The following ARHGAP10 variants were observed in gnomAD, a reference collection of about 807,000 sequenced individuals.
ARHGAP10 encodes the protein Rho GTPase activating protein 10.
A neutral mutation model predicts 108.6 loss-of-function variants in ARHGAP10; 87 were observed. The observed-to-expected ratio is 0.80, with a 90% CI of 0.67 to 0.96. The LOEUF (loss-of-function observed/expected upper bound fraction) is 0.96. Among genes scored for constraint, ARHGAP10 ranks in the 40% least tolerant of loss-of-function variants. ARHGAP10 has a pLI of 0.00. For synonymous variants in ARHGAP10, 347 were observed against 341.1 expected (o/e 1.02, Z -0.19); for missense variants, 939 against 954.5 (o/e 0.98, Z 0.21).
intron 13 of ARHGAP10, among the ~76,000 whole-genome samples, chr4:147,913,362 G>A (rs905709163): frequency 7.9e-5 from 12 of 152,170 alleles, no homozygotes; most frequent in Non-Finnish European, 1.8e-4. Flanking sequence ...GGTCAGTGTT[G>A]AAATGAGAAT....
At chr4:147,889,456 C>T (rs926328204) in intron 10 of ARHGAP10, among the ~76,000 whole-genome samples, 35 of 152,156 alleles carry the variant, frequency 2.3e-4, no homozygotes, top group Admixed American at 1.7e-3. Flanking sequence ...TACACCGCCA[C>T]GCCCGGCTAA....
At position 147,856,499 on chromosome 4, in the gene ARHGAP10, TCCACA is replaced by T. The variant is rs1445502192; in HGVS notation, c.385-1051_385-1047del. ...TGAAATGACACTACAAGTGGAAAATTCCACACCTGGCCTCTTGCTCTCTGATGGTT... is the reference window on the plus strand; with the variant it reads ...TGAAATGACACTACAAGTGGAAAATTCCTGGCCTCTTGCTCTCTGATGGTT... On this transcript the variant is annotated intron_variant, in intron 4 of 22. Coordinates refer to ENST00000336498, the MANE Select transcript of ARHGAP10 (RefSeq NM_024605.4). 2.6e-5 allele frequency among the ~76,000 whole-genome samples: 4 copies of T among 152,200 alleles called. No individual in the cohort carries two copies. The East Asian group carries it at 5.8e-4, about 22-fold the overall frequency.
chr4:147,765,347 G>GGT (rs1553947395), intron 1 of ARHGAP10, among the ~76,000 whole-genome samples: 2,456 of 143,702 alleles, frequency 0.017, 101 homozygotes, highest in African/African-American at 0.061. Context: ...TGGGGGGGGG[G>GGT]GTGTGAGTGT....
In ARHGAP10 at chr4:147,940,826, A is replaced by G. The variant is rs1738141246; in HGVS notation, c.1303+927A>G. 2.6e-5 allele frequency among the ~76,000 whole-genome samples: 4 copies of G among 152,332 alleles called. No homozygotes were observed. The South Asian group carries it at 8.3e-4, about 32-fold the overall frequency. On this transcript the variant is annotated intron_variant, in intron 14 of 22. Coordinates refer to ENST00000336498, the MANE Select transcript of ARHGAP10 (RefSeq NM_024605.4). ...CAGATAGGATTGCTTGTTTGCCTAT[A>G]TTTGAATTAAGGATTTAATAAGCAA...
At chr4:148,056,708 T>C (rs1032987421) in intron 20 of ARHGAP10, among the ~76,000 whole-genome samples, 4 of 152,224 alleles carry the variant, frequency 2.6e-5, no homozygotes, top group African/African-American at 9.6e-5. Flanking sequence ...TGTTTCAAGC[T>C]CAAATCCAGG....
chr4:147,848,714 G>T (rs1733733723), intron 4 of ARHGAP10, among the ~76,000 whole-genome samples: 1 of 152,182 alleles, frequency 6.6e-6, no homozygotes, highest in Admixed American at 6.5e-5. Context: ...AATTGAGTGC[G>T]AGTGAATATA....
At chr4:147,842,244 C>G (rs1232514796) in intron 3 of ARHGAP10, among the ~76,000 whole-genome samples, 2 of 152,092 alleles carry the variant, frequency 1.3e-5, no homozygotes, top group African/African-American at 4.8e-5. Context: ...CCGTGAAACC[C>G]TTATATTCTT....
At chr4:147,786,105 T>A (rs1730879609) in intron 1 of ARHGAP10, among the ~76,000 whole-genome samples, 1 of 152,164 alleles carries the variant, frequency 6.6e-6, no homozygotes, top group South Asian at 2.1e-4. Flanking sequence ...TGGTTAAAAG[T>A]AAGACAGGGG....
chr4:147,772,812 G>A (rs974788995), intron 1 of ARHGAP10, among the ~76,000 whole-genome samples: 3 of 152,132 alleles, frequency 2.0e-5, no homozygotes, highest in Admixed American at 6.6e-5. Context: ...GTTACTAAAT[G>A]TAGTTTTCCA....
chr4:147,939,721 G>T, intron 13 of ARHGAP10, 104 bp from the exon 14 acceptor site: 1 of 971,772 alleles, frequency 1.0e-6, no homozygotes, highest in Non-Finnish European at 1.7e-6. Flanking sequence ...TAGTTAACAG[G>T]AATGCTGCTA....
At position 147,906,815 on chromosome 4, in the gene ARHGAP10, C is replaced by T. The variant is rs866084772; in HGVS notation, c.1116+96C>T. ...TTTTGTGTAGTATTTGAGAAAAGTT[C>T]CCTTCTATAACAGGTATTCCAAAAA... On this transcript the variant is annotated intron_variant, in intron 11 of 22. Transcript: ENST00000336498. The T allele has an allele frequency of 6.9e-5, 101 of 1,465,566 alleles. No homozygotes were observed. In the Middle Eastern group the frequency reaches 1.8e-3, roughly 26 times the overall value. The allele number at this position is 1,465,566 out of a possible 1,614,324, so 90.8% of individuals were successfully genotyped here.
chr4:147,912,805 C>T (rs929199676), intron 12 of ARHGAP10, among the ~76,000 whole-genome samples: 1 of 151,138 alleles, frequency 6.6e-6, no homozygotes, highest in Non-Finnish European at 1.5e-5. Context: ...ATCATTAAAC[C>T]TGGCTAATTT....
intron 1 of ARHGAP10, among the ~76,000 whole-genome samples, chr4:147,792,445 C>A (rs893795681): frequency 1.2e-4 from 19 of 152,100 alleles, no homozygotes; most frequent in African/African-American, 3.4e-4. Context: ...GATTCACAAC[C>A]CATTATTATC....
chr4:147,793,465 C>T (rs1731201004), intron 1 of ARHGAP10, among the ~76,000 whole-genome samples: 1 of 151,996 alleles, frequency 6.6e-6, no homozygotes, highest in African/African-American at 2.4e-5. Flanking sequence ...TGCCTGGAGC[C>T]TTAACAGTTA....
chr4:147,753,538 G>A (rs987927440), intron 1 of ARHGAP10, among the ~76,000 whole-genome samples: 1 of 150,456 alleles, frequency 6.6e-6, no homozygotes, highest in African/African-American at 2.4e-5. Flanking sequence ...TTTTTTAGTG[G>A]AGATGGAGTT....
intron 1 of ARHGAP10, among the ~76,000 whole-genome samples, chr4:147,737,737 T>A (rs200333777): frequency 6.6e-6 from 1 of 152,160 alleles, no homozygotes; most frequent in Non-Finnish European, 1.5e-5. Flanking sequence ...AGACCGGCTG[T>A]GAAAATAATT....
At chr4:147,875,793 T>A (rs1463905469) in intron 8 of ARHGAP10, among the ~76,000 whole-genome samples, 1 of 152,230 alleles carries the variant, frequency 6.6e-6, no homozygotes, top group Non-Finnish European at 1.5e-5. Context: ...AAATATGCAG[T>A]GCATAGATTG....
intron 3 of ARHGAP10, among the ~76,000 whole-genome samples, chr4:147,827,178 CTTTT>C (rs11311332): frequency 4.1e-5 from 6 of 145,282 alleles, no homozygotes; most frequent in African/African-American, 5.0e-5. Context: ...TCACTGATCA[CTTTT>C]TTTTTTTTTT....
At chr4:147,734,799 G>A (rs1244435801) in intron 1 of ARHGAP10, among the ~76,000 whole-genome samples, 1 of 152,174 alleles carries the variant, frequency 6.6e-6, no homozygotes, top group Non-Finnish European at 1.5e-5. Context: ...CTAACCAGTT[G>A]AGCTTTTGTA....
Sources: gnomAD v4.1 joint callset for allele counts (sites outside exome capture counted in the v4.1 genomes callset) on GRCh38, gnomAD v4.1.1 for gene constraint, MANE v1.5 for transcripts, NCBI Gene and HGNC (gene_info 2026-07-23, HGNC 2026-07-21) for gene names.